Variants in ABCB5 observed in about 807,000 individuals in gnomAD.
ABCB5 encodes ATP-binding cassette sub-family B member 5.
In ABCB5, 155 loss-of-function variants were observed where a neutral mutation model predicts 144.2. The observed-to-expected ratio is 1.08, with a 90% CI of 0.94 to 1.23. ABCB5 has a LOEUF of 1.23. Ranked by LOEUF, ABCB5 falls within the 50% of genes most tolerant of loss-of-function variation. The probability of loss-of-function intolerance (pLI) is 0.00; values close to 1 mark genes in which losing one functional copy is unlikely to be tolerated. For missense variants in ABCB5, 1,830 were observed against 1,520.8 expected, an observed-to-expected ratio of 1.20 and a Z score of -3.38; for synonymous variants, 610 against 528.6, an observed-to-expected ratio of 1.15 and a Z score of -2.11.
In ABCB5 at chr7:20,745,399, T is replaced by G; in HGVS notation, c.3390T>G (p.Asn1130Lys). ...TAGATGAGATCAAAGAAGCCGCAAA[T>G]GCAGCAAATATCCATTCTTTTATTG... ...VPLDEIKEAA[N>K]AANIHSFIEG... The change falls in exon 26 of 28, where the codon AAT becomes AAG. Residue 1130 changes from asparagine (N) to lysine (K), a missense_variant. Coordinates refer to ENST00000404938, the MANE Select transcript of ABCB5 (RefSeq NM_001163941.2). 2 of 1,614,190 alleles carry G rather than the reference T, an allele frequency of 1.2e-6. No homozygotes were observed. The highest frequency in any genetic ancestry group is 1.3e-5 in the African/African-American group (1 of 75,044).
intron 20 of ABCB5, among the ~76,000 whole-genome samples, chr7:20,721,335 G>A (rs1583450646): frequency 6.6e-6 from 1 of 152,268 alleles, no homozygotes; most frequent in African/African-American, 2.4e-5. Context: ...CTCATCTATT[G>A]TACGGGACTA....
At chr7:20,723,346 G>A in intron 21 of ABCB5, 127 bp downstream of exon 21, 1 of 992,622 alleles carries the variant, frequency 1.0e-6, no homozygotes, top group East Asian at 2.6e-5. Context: ...TTAGGGATCT[G>A]TAAAGTGATA....
chr7:20,748,490 T>C (rs947340075), intron 26 of ABCB5, among the ~76,000 whole-genome samples: 1 of 151,512 alleles, frequency 6.6e-6, no homozygotes, highest in Admixed American at 6.6e-5. Context: ...TCTTTACTAA[T>C]AATACAAAAA....
intron 13 of ABCB5, among the ~76,000 whole-genome samples, chr7:20,658,151 G>C (rs1235257095): frequency 6.6e-6 from 1 of 151,922 alleles, no homozygotes; most frequent in Non-Finnish European, 1.5e-5. Flanking sequence ...GCAGAAAATA[G>C]GTATTTGTAT....
intron 16 of ABCB5, among the ~76,000 whole-genome samples, chr7:20,687,741 G>C (rs769420432): frequency 7.2e-5 from 11 of 152,202 alleles, no homozygotes; most frequent in Admixed American, 3.3e-4. Context: ...TCAATAATGA[G>C]CTGGGGACAG....
In ABCB5 at chr7:20,681,109, TTTCTTTCTTTC is replaced by T. The variant is rs1301764080; in HGVS notation, c.1708-393_1708-383del. On this transcript the variant is annotated intron_variant, in intron 14 of 27. Coordinates refer to ENST00000404938, the MANE Select transcript of ABCB5 (RefSeq NM_001163941.2). ...CTTTCTTTCTTTCTTTCTTTCTTTCTTTCTTTCTTTCTTTCTTTTTCTTTCTGTCTTCTTTT... is the reference window on the plus strand; with the variant it reads ...CTTTCTTTCTTTCTTTCTTTCTTTCTTTTCTTTTTCTTTCTGTCTTCTTTT... Among the ~76,000 whole-genome samples the T allele has an allele frequency of 2.1e-3, 17 of 7,926 alleles. 2 individuals carry two copies. Among genetic ancestry groups the T allele is most frequent in the African/African-American group, 3.8e-3 (15 of 3,998 alleles). 5.2% of individuals were successfully genotyped at this position (7,926 alleles called of 152,430 possible). A position where few individuals can be genotyped will look rare whatever the true frequency, so the allele number is the denominator to read the frequency against.
intron 23 of ABCB5, among the ~76,000 whole-genome samples, chr7:20,728,843 T>C (rs1489705136): frequency 2.0e-5 from 3 of 152,248 alleles, no homozygotes; most frequent in Admixed American, 6.5e-5. Context: ...GTCTAGTTTA[T>C]AGTGAGTTAT....
At chr7:20,723,693 A>C (rs11971339) in intron 21 of ABCB5, among the ~76,000 whole-genome samples, 4,268 of 152,340 alleles carry the variant, frequency 0.028, 208 homozygotes, top group African/African-American at 0.096. Context: ...GGAAGTTTTC[A>C]AACATCATCA....
chr7:20,702,822 T>C (rs967423432), intron 19 of ABCB5, among the ~76,000 whole-genome samples: 69 of 138,050 alleles, frequency 5.0e-4, no homozygotes, highest in Non-Finnish European at 8.9e-4. Context: ...CCGCCACGCC[T>C]GGCTAATTTT....
At chr7:20,652,778 G>A (rs1196616993) in intron 13 of ABCB5, among the ~76,000 whole-genome samples, 3 of 152,112 alleles carry the variant, frequency 2.0e-5, no homozygotes, top group African/African-American at 4.8e-5. Context: ...ATTGTTGTGC[G>A]GAGCACCTTG....
intron 16 of ABCB5, among the ~76,000 whole-genome samples, chr7:20,694,289 G>A (rs746647655): frequency 1.3e-5 from 2 of 151,786 alleles, no homozygotes; most frequent in Non-Finnish European, 2.9e-5. Context: ...CACCAAGTAG[G>A]ACTGTTCTAA....
intron 7 of ABCB5, among the ~76,000 whole-genome samples, chr7:20,644,057 T>C (rs574829646): frequency 1.3e-5 from 2 of 152,080 alleles, no homozygotes; most frequent in South Asian, 4.2e-4. Context: ...TCTTTTTATA[T>C]CATCCTCTTA....
At chr7:20,620,789 C>T (rs1238809749) in intron 1 of ABCB5, among the ~76,000 whole-genome samples, 6 of 152,004 alleles carry the variant, frequency 3.9e-5, no homozygotes, top group African/African-American at 9.7e-5. Flanking sequence ...GTACATTGCT[C>T]GTAGGAATGT....
intron 20 of ABCB5, among the ~76,000 whole-genome samples, chr7:20,719,684 G>A (rs915817440): frequency 3.3e-5 from 5 of 152,180 alleles, no homozygotes; most frequent in Non-Finnish European, 7.3e-5. Flanking sequence ...TGAGGAGGGT[G>A]TTCGTGCAGG....
Position 20,651,638 on chromosome 7 carries a change from C to T in ABCB5, c.1536+15C>T, listed in dbSNP as rs1784597160. The T allele has an allele frequency of 1.2e-6, 2 of 1,612,276 alleles. No individual in the cohort carries two copies. The highest frequency in any genetic ancestry group is 1.7e-6 in the Non-Finnish European group (2 of 1,178,600). ...AGTTTCCTAATGTGAGTACACTGTGCAGCCTGTGTCCTTAGCTTATGGTGG... is the reference window on the plus strand; with the variant it reads ...AGTTTCCTAATGTGAGTACACTGTGTAGCCTGTGTCCTTAGCTTATGGTGG... On this transcript the variant is annotated intron_variant, in intron 13 of 27. Coordinates refer to ENST00000404938, the MANE Select transcript of ABCB5 (RefSeq NM_001163941.2).
At chr7:20,656,083 C>A (rs912324710) in intron 13 of ABCB5, among the ~76,000 whole-genome samples, 7 of 145,656 alleles carry the variant, frequency 4.8e-5, no homozygotes, top group Non-Finnish European at 7.5e-5. Flanking sequence ...AAATGGTTAT[C>A]CTTGTGGAAA....
In ABCB5 at chr7:20,643,548, T is replaced by G; in HGVS notation, c.594T>G (p.Val198=). 5 of 1,614,018 alleles carry G rather than the reference T, an allele frequency of 3.1e-6. No homozygotes were observed. The highest frequency in any genetic ancestry group is 4.2e-6 in the Non-Finnish European group (5 of 1,179,892). ...NMSTFSIGLA[V]GLVKGWKLTL... is the part of the protein sequence containing the mutation. Reference sequence around the variant, plus strand: ...CTACTTTTTCGATTGGCCTGGCAGTTGGTTTGGTGAAGGGCTGGAAACTCA... The same window carrying G: ...CTACTTTTTCGATTGGCCTGGCAGTGGGTTTGGTGAAGGGCTGGAAACTCA... Residue 198 remains valine (V), a synonymous_variant, in exon 7 of 28, where the codon GTT becomes GTG. Coordinates refer to ENST00000404938, the MANE Select transcript of ABCB5 (RefSeq NM_001163941.2).
At chr7:20,671,006 G>C (rs1023767632) in intron 14 of ABCB5, among the ~76,000 whole-genome samples, 4 of 150,770 alleles carry the variant, frequency 2.7e-5, no homozygotes, top group Non-Finnish European at 5.9e-5. Context: ...TCATAAACTT[G>C]ACAATATCAG....
intron 15 of ABCB5, among the ~76,000 whole-genome samples, chr7:20,685,358 G>A (rs1299985957): frequency 6.6e-6 from 1 of 152,172 alleles, no homozygotes; most frequent in Non-Finnish European, 1.5e-5. Context: ...CTAGGAGGAA[G>A]GCGTCAGAAA....
Sources: allele counts gnomAD v4.1 joint callset (sites outside exome capture counted in the v4.1 genomes callset), GRCh38; gene constraint gnomAD v4.1.1; transcripts MANE v1.5; gene names NCBI Gene and HGNC (gene_info 2026-07-23, HGNC 2026-07-21).